The following CPXM1 variants were observed in gnomAD, a reference collection of about 807,000 sequenced individuals.
The protein encoded by CPXM1 is carboxypeptidase X, M14 family member 1.
CPXM1 carries 72 observed loss-of-function variants against 80.4 expected under a neutral mutation model. The observed-to-expected ratio is 0.90, with a 90% CI of 0.74 to 1.09. The LOEUF (loss-of-function observed/expected upper bound fraction) is 1.09. Ranked by LOEUF, CPXM1 falls within the 50% of genes least tolerant of loss-of-function variation. The pLI, the probability that CPXM1 is intolerant of heterozygous loss-of-function variation, is 0.00. For missense variants in CPXM1, 892 were observed against 999.4 expected, an observed-to-expected ratio of 0.89 and a Z score of 1.45; for synonymous variants, 403 against 405.6, an observed-to-expected ratio of 0.99 and a Z score of 0.08.
At chr20:2,797,898 G>C in intron 5 of CPXM1, 70 bp downstream of exon 5, 1 of 1,383,946 alleles carries the variant, frequency 7.2e-7, no homozygotes, top group Non-Finnish European at 1.0e-6. Flanking sequence ...CCTCAGAGGA[G>C]CCTCAGCCTA....
rs775260953 is a variant in CPXM1, at chr20:2,800,479, G to T, written c.94C>A (p.Pro32Thr). 33 of 1,440,184 alleles carry T rather than the reference G, an allele frequency of 2.3e-5. 1 individual carries two copies. The Admixed American group carries it at 9.5e-4, about 41-fold the overall frequency. 89.2% of individuals were successfully genotyped at this position (1,440,184 alleles called of 1,614,324 possible). A position where few individuals can be genotyped will look rare whatever the true frequency, so the allele number is the denominator to read the frequency against. The change falls in exon 1 of 14, where the codon CCC becomes ACC. Residue 32 changes from proline to threonine, a missense_variant. By Grantham distance (38) the Pro-to-Thr change is conservative (BLOSUM62 -1). Transcript: ENST00000380605. Reference sequence around the variant, plus strand: ...GAGCCTGGGACCTTGGTGGTCCCGGGCTGCGCGAGGCCCAGCACCGAGTTC... The same window carrying T: ...GAGCCTGGGACCTTGGTGGTCCCGGTCTGCGCGAGGCCCAGCACCGAGTTC... ...PRNSVLGLAQ[P>T]GTTKVPGSTP...
intron 2 of CPXM1, 40 bp from the exon 3 acceptor site, chr20:2,798,577 G>C (rs938603752): frequency 6.3e-7 from 1 of 1,581,190 alleles, no homozygotes; most frequent in African/African-American, 1.3e-5. Context: ...ACCAGAGGGA[G>C]GGTAGCCAGG....
rs751145338 is a variant in CPXM1, at chr20:2,795,832, T to G, written c.1487A>C (p.Asn496Thr). The G allele has an allele frequency of 1.9e-6, 3 of 1,611,548 alleles. No individual in the cohort carries two copies. The highest frequency in any genetic ancestry group is 2.5e-6 in the Non-Finnish European group (3 of 1,179,906). Residue 496 changes from asparagine to threonine, a missense_variant, in exon 11 of 14, where the codon AAC (asparagine) becomes ACC (threonine). Transcript: ENST00000380605. This position sits in a 1 kb window ranked among gnomAD's most constrained non-coding sequence, Gnocchi z 5.4. ...CACCACGAGCTCACCCCCGTGGAGG[T>G]TGGCACTTAGCACAAAGGGGATCCG... is the stretch of plus-strand genomic sequence containing the variant. ...MKRIPFVLSA[N>T]LHGGELVVSY...
In CPXM1 at chr20:2,795,276, C is replaced by T; in HGVS notation, c.1860+1G>A. On this transcript the variant is annotated splice_donor_variant, in intron 12 of 13. Coordinates refer to ENST00000380605, the MANE Select transcript of CPXM1 (RefSeq NM_019609.5). LOFTEE classifies it high-confidence loss of function. The surrounding 1 kb of genome is among the most constrained non-coding windows in gnomAD (Gnocchi z 5.4). ...GCTGGGGGCCGGGACGCAGATCCGA[C>T]CTGCTCCAGGTAGGTGAGGAGGGCG... is the stretch of plus-strand genomic sequence containing the variant. 1 of 1,613,472 alleles carries T rather than the reference C, an allele frequency of 6.2e-7. No homozygotes were observed. Among genetic ancestry groups the T allele is most frequent in the Non-Finnish European group, 8.5e-7 (1 of 1,179,836 alleles).
At chr20:2,799,660 A>C (rs1600269691) in intron 1 of CPXM1, among the ~76,000 whole-genome samples, 1 of 151,068 alleles carries the variant, frequency 6.6e-6, no homozygotes, top group Non-Finnish European at 1.5e-5. Context: ...ACCCTTCAAG[A>C]CCCTCCTCCA....
At chr20:2,799,574 T>C (rs557441856) in intron 1 of CPXM1, among the ~76,000 whole-genome samples, 1 of 152,310 alleles carries the variant, frequency 6.6e-6, no homozygotes, top group South Asian at 2.1e-4. Flanking sequence ...GGTGCCCCTG[T>C]GCCTTTGCCC....
intron 1 of CPXM1, 77 bp downstream of exon 1, chr20:2,800,324 G>T: frequency 7.6e-7 from 1 of 1,319,944 alleles, no homozygotes; most frequent in Non-Finnish European, 9.9e-7. Flanking sequence ...CCGCGTGTTA[G>T]GGAGGGATCG....
chr20:2,799,363 C>T (rs766072747), intron 1 of CPXM1, among the ~76,000 whole-genome samples: 1 of 152,206 alleles, frequency 6.6e-6, no homozygotes, highest in Non-Finnish European at 1.5e-5. Flanking sequence ...GCCCCAAAAC[C>T]CCTGTGCCGC....
intron 5 of CPXM1, 60 bp downstream of exon 5, chr20:2,797,908 A>G: frequency 6.8e-7 from 1 of 1,473,514 alleles, no homozygotes. Flanking sequence ...GCCTCAGCCT[A>G]GCCTGGACTG....
At position 2,800,439 on chromosome 20, in the gene CPXM1, T is replaced by G; in HGVS notation, c.134A>C (p.His45Pro). The G allele has an allele frequency of 2.0e-6, 3 of 1,519,226 alleles. No homozygotes were observed. Among genetic ancestry groups the G allele is most frequent in the Non-Finnish European group, 2.6e-6 (3 of 1,141,364 alleles). 94.1% of individuals were successfully genotyped at this position (1,519,226 alleles called of 1,614,324 possible). A position where few individuals can be genotyped will look rare whatever the true frequency, so the allele number is the denominator to read the frequency against. ...TKVPGSTPAL[H>P]SSPAQPPAET... ...CGCCGGCGGCTGTGCCGGGCTGCTA[T>G]GCAGGGCCGGGGTCGAGCCTGGGAC... Residue 45 changes from histidine (H) to proline (P), a missense_variant, in exon 1 of 14, where the codon CAT (histidine) becomes CCT (proline). By Grantham distance (77) the His-to-Pro change is moderately conservative. Around this residue, in one of 2 missense-constraint regions of CPXM1, gnomAD observed 874 missense variants for 958.4 expected, o/e 0.91. Coordinates refer to ENST00000380605, the MANE Select transcript of CPXM1 (RefSeq NM_019609.5).
At chr20:2,797,712 G>A (rs570880506) in intron 5 of CPXM1, among the ~76,000 whole-genome samples, 1 of 152,302 alleles carries the variant, frequency 6.6e-6, no homozygotes, top group Admixed American at 6.5e-5. Context: ...GGGCCAGAAG[G>A]GGCACGCCAG....
intron 1 of CPXM1, 44 bp from the exon 2 acceptor site, chr20:2,798,937 G>T: frequency 6.3e-7 from 1 of 1,584,364 alleles, no homozygotes. Context: ...GAAGAATGGT[G>T]AAACCCCGGA....
chr20:2,797,088 T>C lies in CPXM1; in HGVS notation c.839A>G (p.Asn280Ser), dbSNP rs147530232. Residue 280 changes from asparagine (N) to serine (S), a missense_variant, in exon 7 of 14, where the codon AAT (asparagine) becomes AGT (serine). This residue lies in a region of CPXM1 where 874 missense variants were observed against 958.4 expected (regional missense o/e 0.91). Coordinates refer to ENST00000380605, the MANE Select transcript of CPXM1 (RefSeq NM_019609.5). ...EILACPVSDPNDLFLEAPASG... is the reference protein window; with the variant it reads ...EILACPVSDPSDLFLEAPASG... The stretch of plus-strand genomic sequence containing the variant: ...CGCAGGGGCCTCAAGGAATAGGTCA[T>C]TGGGGTCTGGTGGAGGTTGAGTTTA... 43 of 1,613,974 alleles carry C rather than the reference T, an allele frequency of 2.7e-5. No individual in the cohort carries two copies. Among genetic ancestry groups the C allele is most frequent in the East Asian group, 1.3e-4 (6 of 44,876 alleles).
chr20:2,798,882 G>A lies in CPXM1; in HGVS notation c.184C>T (p.Gln62Ter), dbSNP rs781559465. 2 of 1,613,758 alleles carry A rather than the reference G, an allele frequency of 1.2e-6. No individual in the cohort carries two copies. The highest frequency in any genetic ancestry group is 3.3e-5 in the Admixed American group (2 of 59,968). The change falls in exon 2 of 14, where the codon CAG becomes TAG. Residue 62 changes from glutamine to a stop codon, truncating the protein, a stop_gained. Coordinates refer to ENST00000380605, the MANE Select transcript of CPXM1 (RefSeq NM_019609.5). LOFTEE classifies it high-confidence loss of function. Reference sequence around the variant, plus strand: ...TTGATGACTCGAATCCGGACATGCTGTTCTGAGGTCCCTTGGGGTCCGAGA... The same window carrying A: ...TTGATGACTCGAATCCGGACATGCTATTCTGAGGTCCCTTGGGGTCCGAGA... ...PAETANGTSE[Q>*]HVRIRVIKKK...
chr20:2,795,868 T>C lies in CPXM1; in HGVS notation c.1451A>G (p.Lys484Arg). Residue 484 changes from lysine to arginine, a missense_variant, in exon 11 of 14, where the codon AAG (lysine) becomes AGG (arginine). Lys to Arg is a conservative substitution (Grantham distance 26). Transcript: ENST00000380605. The surrounding 1 kb of genome is among the most constrained non-coding windows in gnomAD (Gnocchi z 5.4). Reference protein sequence around the residue: ...TVAPETRAVIKWMKRIPFVLS... With the variant: ...TVAPETRAVIRWMKRIPFVLS... Reference sequence around the variant, plus strand: ...CACAAAGGGGATCCGCTTCATCCACTTGATTACTGCCCGCGTTTCAGGAGC... The same window carrying C: ...CACAAAGGGGATCCGCTTCATCCACCTGATTACTGCCCGCGTTTCAGGAGC... The C allele has an allele frequency of 1.2e-6, 2 of 1,611,550 alleles. No homozygotes were observed. Among genetic ancestry groups the C allele is most frequent in the African/African-American group, 1.3e-5 (1 of 74,998 alleles).
At chr20:2,799,045 G>T in intron 1 of CPXM1, 152 bp from the exon 2 acceptor site, 1 of 729,476 alleles carries the variant, frequency 1.4e-6, no homozygotes, top group Non-Finnish European at 2.2e-6. Flanking sequence ...CCTGCAATCT[G>T]ACCCCAACCT....
In CPXM1 at chr20:2,799,462, G is replaced by A. The variant is rs186692419; in HGVS notation, c.173-569C>T. On this transcript the variant is annotated intron_variant, in intron 1 of 13. Coordinates refer to ENST00000380605, the MANE Select transcript of CPXM1 (RefSeq NM_019609.5). ...TGTCGAGGCTTTCAGGGCTGGGCCT[G>A]CCCGCCGGCCCTTCAGCACAAGGCT... 3.4e-3 allele frequency among the ~76,000 whole-genome samples: 517 copies of A among 152,310 alleles called. 3 individuals carry two copies. Among genetic ancestry groups the A allele is most frequent in the Admixed American group, 6.7e-3 (103 of 15,300 alleles).
At position 2,798,835 on chromosome 20, in the gene CPXM1, C is replaced by T; in HGVS notation, c.231G>A (p.Lys77=). Residue 77 remains lysine (K), a synonymous_variant, in exon 2 of 14, where the codon AAG becomes AAA. Transcript: ENST00000380605. The part of the protein sequence containing the change: ...RVIKKKKVIM[K]KRKKLTLTRP... ...GAGTTAGAGTTAGCTTCTTCCGCTT[C>T]TTCATAATGACCTTTTTCTTCTTGA... The T allele has an allele frequency of 6.2e-7, 1 of 1,614,084 alleles. No individual in the cohort carries two copies. The highest frequency in any genetic ancestry group is 8.5e-7 in the Non-Finnish European group (1 of 1,179,988).
chr20:2,800,384 T>C lies in CPXM1; in HGVS notation c.172+17A>G. 6.6e-7 allele frequency: 1 copy of C among 1,505,228 alleles called. No homozygotes were observed. Among genetic ancestry groups the C allele is most frequent in the Non-Finnish European group, 8.8e-7 (1 of 1,135,640 alleles). 93.2% of individuals were successfully genotyped at this position (1,505,228 alleles called of 1,614,324 possible). A position where few individuals can be genotyped will look rare whatever the true frequency, so the allele number is the denominator to read the frequency against. ...AGTCGGCTTGCGGGGGAGCGGACCGTCGGTCGGGGAACTCACCGTTAGCTG... is the reference window on the plus strand; with the variant it reads ...AGTCGGCTTGCGGGGGAGCGGACCGCCGGTCGGGGAACTCACCGTTAGCTG... On this transcript the variant is annotated intron_variant, in intron 1 of 13. Coordinates refer to ENST00000380605, the MANE Select transcript of CPXM1 (RefSeq NM_019609.5).
Sources: gnomAD v4.1 joint callset for allele counts (sites outside exome capture counted in the v4.1 genomes callset) on GRCh38, gnomAD v4.1.1 for gene constraint, gnomAD v4.1.1 regional missense constraint, Gnocchi (gnomAD v3.1) non-coding constraint, MANE v1.5 for transcripts, NCBI Gene and HGNC (gene_info 2026-07-23, HGNC 2026-07-21) for gene names.